Variants in RAB23 observed in about 807,000 individuals in gnomAD.
RAB23 encodes RAB23, member RAS oncogene family.
RAB23 carries 15 observed loss-of-function variants against 30.0 expected under a neutral mutation model. The ratio of observed to expected loss-of-function variants is 0.50; its 90% confidence interval spans 0.33 to 0.77. The LOEUF (loss-of-function observed/expected upper bound fraction) is 0.77, where lower values mean the gene tolerates loss of function less well. Ranked by LOEUF, RAB23 falls within the 30% of genes least tolerant of loss-of-function variation. The pLI, the probability that RAB23 is intolerant of heterozygous loss-of-function variation, is 0.02. For synonymous variants in RAB23, 93 were observed against 94.0 expected (o/e 0.99, Z 0.06); for missense variants, 243 against 275.4 (o/e 0.88, Z 0.83).
At chr6:57,213,538 A>G (rs1765732412) in intron 1 of RAB23, among the ~76,000 whole-genome samples, 1 of 152,208 alleles carries the variant, frequency 6.6e-6, no homozygotes, top group Admixed American at 6.5e-5. Flanking sequence ...AAAAAAGGCA[A>G]CAACAAAAAT....
intron 3 of RAB23, among the ~76,000 whole-genome samples, chr6:57,203,454 C>G (rs1216405290): frequency 1.3e-5 from 2 of 151,994 alleles, no homozygotes; most frequent in Non-Finnish European, 2.9e-5. Context: ...AAAAAAAGAA[C>G]AGACATTTCA....
intron 4 of RAB23, among the ~76,000 whole-genome samples, chr6:57,196,120 T>G (rs1013283154): frequency 5.3e-5 from 8 of 152,202 alleles, no homozygotes; most frequent in Non-Finnish European, 1.0e-4. Context: ...AATCTAGGGA[T>G]GCTTTTCTTA....
chr6:57,188,547 C>CAA lies in RAB23; in HGVS notation c.*1912_*1913dup, dbSNP rs1430845617. On this transcript the variant is annotated 3_prime_UTR_variant, in exon 7 of 7. Transcript: ENST00000468148. Reference sequence around the variant, plus strand: ...AATAAAGACAAAAGACTATTTGTTGCAAAGTATTATTTTGTGCAAAAATTA... The same window carrying CAA: ...AATAAAGACAAAAGACTATTTGTTGCAAAAAGTATTATTTTGTGCAAAAATTA... 6 of 152,072 alleles carry CAA rather than the reference C, an allele frequency of 3.9e-5. No individual in the cohort carries two copies. Among genetic ancestry groups the CAA allele is most frequent in the African/African-American group, 9.6e-5 (4 of 41,492 alleles). 9.4% of individuals were successfully genotyped at this position (152,072 alleles called of 1,614,324 possible). A position where few individuals can be genotyped will look rare whatever the true frequency, so the allele number is the denominator to read the frequency against.
At chr6:57,190,681 T>C in intron 6 of RAB23, 81 bp from the exon 7 acceptor site, 1 of 1,514,406 alleles carries the variant, frequency 6.6e-7, no homozygotes, top group East Asian at 2.3e-5. Context: ...GTAAAATCAG[T>C]AATATTTTCA....
intron 1 of RAB23, among the ~76,000 whole-genome samples, chr6:57,214,121 T>A (rs982523703): frequency 6.6e-6 from 1 of 151,994 alleles, no homozygotes; most frequent in Non-Finnish European, 1.5e-5. Flanking sequence ...TTTTCACCTC[T>A]ACTTTTTTGC....
chr6:57,215,982 A>T (rs1442687043), intron 1 of RAB23, among the ~76,000 whole-genome samples: 1 of 152,254 alleles, frequency 6.6e-6, no homozygotes, highest in Non-Finnish European at 1.5e-5. Flanking sequence ...CATGCACCAC[A>T]TAACAACATT....
Position 57,190,270 on chromosome 6 carries a change from G to T in RAB23, c.*191C>A. ...TAAAAAAAATTAAAGGAGTCCACAGGGCAATAATTTTTCCACCAGAGGTCT... is the reference window on the plus strand; with the variant it reads ...TAAAAAAAATTAAAGGAGTCCACAGTGCAATAATTTTTCCACCAGAGGTCT... On this transcript the variant is annotated 3_prime_UTR_variant, in exon 7 of 7. Coordinates refer to ENST00000468148, the MANE Select transcript of RAB23 (RefSeq NM_016277.5). 1 of 624,094 alleles carries T rather than the reference G, an allele frequency of 1.6e-6. No individual in the cohort carries two copies. The highest frequency in any genetic ancestry group is 1.9e-5 in the South Asian group (1 of 51,426). 38.7% of individuals were successfully genotyped at this position (624,094 alleles called of 1,614,324 possible). A position where few individuals can be genotyped will look rare whatever the true frequency, so the allele number is the denominator to read the frequency against.
At position 57,190,426 on chromosome 6, in the gene RAB23, A is replaced by C. The variant is rs1224662060; in HGVS notation, c.*35T>G. On this transcript the variant is annotated 3_prime_UTR_variant, in exon 7 of 7. Coordinates refer to ENST00000468148, the MANE Select transcript of RAB23 (RefSeq NM_016277.5). ...CTGGATGGGTTTCTTAATGCATTGC[A>C]CAATGTAATTCAATTGTTTTCCTCC... The C allele has an allele frequency of 6.2e-7, 1 of 1,611,560 alleles. No individual in the cohort carries two copies. The highest frequency in any genetic ancestry group is 8.5e-7 in the Non-Finnish European group (1 of 1,177,856).
At position 57,210,291 on chromosome 6, in the gene RAB23, G is replaced by C. The variant is rs776515230; in HGVS notation, c.90C>G (p.Cys30Trp). The change falls in exon 2 of 7, where the codon TGC becomes TGG. Residue 30 changes from cysteine (C) to tryptophan (W), a missense_variant. Physicochemically the swap from Cys to Trp is radical, Grantham distance 215 (BLOSUM62 -2). Transcript: ENST00000468148. ...VGKSSMIQRY[C>W]KGIFTKDYKK... is the part of the protein sequence containing the mutation. ...TGTAGTCTTTTGTAAAAATGCCTTT[G>C]CAATATCGCTGAATCATACTTGATT... is the stretch of plus-strand genomic sequence containing the variant. 1.2e-5 allele frequency: 20 copies of C among 1,613,782 alleles called. No individual in the cohort carries two copies. The Admixed American group carries it at 2.0e-4, about 16-fold the overall frequency.
intron 1 of RAB23, among the ~76,000 whole-genome samples, chr6:57,211,861 T>C (rs1593225161): frequency 6.6e-6 from 1 of 152,374 alleles, no homozygotes; most frequent in East Asian, 1.9e-4. Flanking sequence ...TTAGCTATTA[T>C]ATTTCAACTA....
intron 3 of RAB23, among the ~76,000 whole-genome samples, chr6:57,206,580 TAA>T (rs1562656152): frequency 2.0e-5 from 3 of 151,982 alleles, no homozygotes; most frequent in Admixed American, 1.3e-4. Context: ...TAGTGGTGGG[TAA>T]AAGTCTCATG....
chr6:57,190,391 A>G lies in RAB23; in HGVS notation c.*70T>C. 6.4e-7 allele frequency: 1 copy of G among 1,568,256 alleles called. No homozygotes were observed. The highest frequency in any genetic ancestry group is 1.1e-5 in the South Asian group (1 of 89,706). ...AAGTCTGCTGAAAACCTTGTAACATACCATGACAGCTGGATGGGTTTCTTA... is the reference window on the plus strand; with the variant it reads ...AAGTCTGCTGAAAACCTTGTAACATGCCATGACAGCTGGATGGGTTTCTTA... On this transcript the variant is annotated 3_prime_UTR_variant, in exon 7 of 7. Coordinates refer to ENST00000468148, the MANE Select transcript of RAB23 (RefSeq NM_016277.5).
At chr6:57,219,670 C>A (rs1444657294) in intron 1 of RAB23, among the ~76,000 whole-genome samples, 1 of 152,150 alleles carries the variant, frequency 6.6e-6, no homozygotes, top group African/African-American at 2.4e-5. Flanking sequence ...CAAATAAAGA[C>A]AATTGATTTT....
intron 1 of RAB23, 109 bp from the exon 2 acceptor site, chr6:57,210,554 CTG>C: frequency 1.4e-6 from 1 of 706,288 alleles, no homozygotes; most frequent in South Asian, 1.8e-5. Context: ...GTTTTCATAA[CTG>C]AGGTCCCTCC....
At chr6:57,198,782 G>T (rs759552027) in intron 3 of RAB23, among the ~76,000 whole-genome samples, 1 of 151,982 alleles carries the variant, frequency 6.6e-6, no homozygotes, top group South Asian at 2.1e-4. Flanking sequence ...GGCACAATAG[G>T]GTATTTCCAA....
intron 1 of RAB23, among the ~76,000 whole-genome samples, chr6:57,210,930 T>C (rs1356399067): frequency 6.6e-6 from 1 of 152,234 alleles, no homozygotes; most frequent in East Asian, 1.9e-4. Context: ...GTCTGAAATG[T>C]GGCAAAATCT....
chr6:57,219,300 TGAAAAC>T (rs1765967681), intron 1 of RAB23, among the ~76,000 whole-genome samples: 1 of 152,236 alleles, frequency 6.6e-6, no homozygotes, highest in Admixed American at 6.5e-5. Context: ...ATCTGTATGC[TGAAAAC>T]TACAAAACAC....
chr6:57,213,072 G>A (rs1168771591), intron 1 of RAB23, among the ~76,000 whole-genome samples: 1 of 152,108 alleles, frequency 6.6e-6, no homozygotes, highest in Non-Finnish European at 1.5e-5. Context: ...GGATAAAACT[G>A]TTCTACCTCA....
chr6:57,195,188 T>C (rs1764977023), intron 4 of RAB23, among the ~76,000 whole-genome samples: 1 of 152,188 alleles, frequency 6.6e-6, no homozygotes, highest in African/African-American at 2.4e-5. Flanking sequence ...TAAGAAAATA[T>C]CACTTTTCTT....
Sources: gnomAD v4.1 joint callset for allele counts (sites outside exome capture counted in the v4.1 genomes callset) on GRCh38, gnomAD v4.1.1 for gene constraint, MANE v1.5 for transcripts, NCBI Gene and HGNC (gene_info 2026-07-23, HGNC 2026-07-21) for gene names.